CSDE1: variants seen among roughly 807,000 people sequenced by gnomAD.
CSDE1 encodes cold shock domain-containing protein E1.
Under a neutral mutation model 89.3 loss-of-function variants are expected in CSDE1, and 17 were observed. The ratio of observed to expected loss-of-function variants is 0.19; its 90% CI spans 0.13 to 0.29. The LOEUF (loss-of-function observed/expected upper bound fraction) is 0.29, where lower values mean the gene tolerates loss of function less well. Ranked by LOEUF, CSDE1 falls within the 10% of genes least tolerant of loss-of-function variation. The probability of loss-of-function intolerance (pLI) is 1.00; values close to 1 mark genes in which losing one functional copy is unlikely to be tolerated. For missense variants in CSDE1, 672 were observed against 984.2 expected (o/e 0.68, Z 4.24); for synonymous variants, 322 against 332.8 (o/e 0.97, Z 0.35).
chr1:114,719,809 C>G, intron 17 of CSDE1, 67 bp from the exon 18 acceptor site: 2 of 1,428,550 alleles, frequency 1.4e-6, no homozygotes, highest in Non-Finnish European at 1.9e-6. Flanking sequence ...AGCACAATGC[C>G]TGCCCCTATC....
intron 1 of CSDE1, among the ~76,000 whole-genome samples, chr1:114,750,592 A>G (rs1301818316): frequency 2.0e-5 from 3 of 149,982 alleles, no homozygotes; most frequent in Non-Finnish European, 3.0e-5. Flanking sequence ...GTAAACATGG[A>G]AAAAAAAAAC....
At position 114,733,761 on chromosome 1, in the gene CSDE1, C is replaced by T. The variant is rs755487112; in HGVS notation, c.808G>A (p.Val270Ile). 2.5e-6 allele frequency: 4 copies of T among 1,613,564 alleles called. No individual in the cohort carries two copies. Among genetic ancestry groups the T allele is most frequent in the African/African-American group, 2.7e-5 (2 of 74,842 alleles). Reference sequence around the variant, plus strand: ...TTTTTACTGGGTACTTTTGGGATAACTTTGGTTACAGTTCCTTCAAAATGT... The same window carrying T: ...TTTTTACTGGGTACTTTTGGGATAATTTTGGTTACAGTTCCTTCAAAATGT... Reference protein sequence around the residue: ...IEHFEGTVTKVIPKVPSKNQN... With the variant: ...IEHFEGTVTKIIPKVPSKNQN... Residue 270 changes from valine to isoleucine, a missense_variant, in exon 9 of 20, where the codon GTT (valine) becomes ATT (isoleucine). Around this residue, in one of 8 missense-constraint regions of CSDE1, gnomAD observed 169 missense variants for 262.9 expected, o/e 0.64. Transcript: ENST00000358528.
chr1:114,719,708 T>C lies in CSDE1; in HGVS notation c.2087A>G (p.Lys696Arg), dbSNP rs1659403469. 3.1e-6 allele frequency: 5 copies of C among 1,613,946 alleles called. No individual in the cohort carries two copies. The highest frequency in any genetic ancestry group is 4.2e-6 in the Non-Finnish European group (5 of 1,180,006). Residue 696 changes from lysine (K) to arginine (R), a missense_variant, in exon 18 of 20, where the codon AAG becomes AGG. By Grantham distance (26) the Lys-to-Arg change is conservative (BLOSUM62 2). Coordinates refer to ENST00000358528, the MANE Select transcript of CSDE1 (RefSeq NM_001007553.3). ...GFINYEVGDSKKLFFHVKEVQ... is the reference protein window; with the variant it reads ...GFINYEVGDSRKLFFHVKEVQ... ...TTCTTTCACATGGAAAAAGAGCTTC[T>C]TGCTATCTCCTACTTCATAGTTAAT... is the stretch of plus-strand genomic sequence containing the variant.
At chr1:114,752,827 C>G (rs1429947445) in intron 1 of CSDE1, among the ~76,000 whole-genome samples, 1 of 152,216 alleles carries the variant, frequency 6.6e-6, no homozygotes, top group Non-Finnish European at 1.5e-5. Context: ...AATTTCTGTA[C>G]TTTGTTTACT....
chr1:114,735,308 CACAG>C (rs908604484), intron 6 of CSDE1, among the ~76,000 whole-genome samples: 27 of 151,622 alleles, frequency 1.8e-4, no homozygotes, highest in African/African-American at 5.9e-4. Context: ...CTTAATTTTT[CACAG>C]ACAAATAACC....
chr1:114,725,360 C>G, intron 14 of CSDE1, 27 bp from the exon 15 acceptor site: 1 of 1,529,274 alleles, frequency 6.5e-7, no homozygotes, highest in Non-Finnish European at 9.1e-7. Flanking sequence ...TGACATTTAA[C>G]TAAACATTAC....
At chr1:114,734,368 A>AC in intron 7 of CSDE1, 74 bp downstream of exon 7, 1 of 1,317,162 alleles carries the variant, frequency 7.6e-7, no homozygotes, top group Non-Finnish European at 1.1e-6. Context: ...AAAAAAAAAA[A>AC]CAAAGGCTGG....
chr1:114,723,770 A>T, intron 16 of CSDE1, 113 bp downstream of exon 16: 1 of 1,447,284 alleles, frequency 6.9e-7, no homozygotes, highest in Non-Finnish European at 9.6e-7. Context: ...ACTTTTCCTT[A>T]ATTCAGTTTT....
chr1:114,755,535 G>A (rs961794345), intron 1 of CSDE1, among the ~76,000 whole-genome samples: 2 of 152,154 alleles, frequency 1.3e-5, no homozygotes, highest in Non-Finnish European at 1.5e-5. Context: ...TTTTTAACTA[G>A]GTACCCACAC....
intron 15 of CSDE1, 117 bp from the exon 16 acceptor site, chr1:114,724,119 T>C (rs1024247914): frequency 1.1e-4 from 121 of 1,124,286 alleles, no homozygotes; most frequent in Non-Finnish European, 1.4e-4. Flanking sequence ...TGGCTGCTAT[T>C]GAAATGGGGT....
At chr1:114,727,141 C>A in intron 12 of CSDE1, 51 bp from the exon 13 acceptor site, 2 of 1,284,612 alleles carry the variant, frequency 1.6e-6, no homozygotes, top group Non-Finnish European at 2.3e-6. Flanking sequence ...AGAACAAAAA[C>A]CAATAAAAAC....
At chr1:114,744,904 A>G (rs1372684691) in intron 2 of CSDE1, among the ~76,000 whole-genome samples, 4 of 152,226 alleles carry the variant, frequency 2.6e-5, no homozygotes, top group African/African-American at 9.6e-5. Flanking sequence ...GGCACAGAGC[A>G]GGCACTCATA....
chr1:114,744,320 G>A (rs541738769), intron 2 of CSDE1, among the ~76,000 whole-genome samples: 34 of 152,260 alleles, frequency 2.2e-4, no homozygotes, highest in Admixed American at 3.9e-4. Flanking sequence ...AGTGGTTCAC[G>A]TTTGTAATCC....
intron 14 of CSDE1, 64 bp from the exon 15 acceptor site, chr1:114,725,397 C>CT (rs1659738661): frequency 2.4e-6 from 3 of 1,234,092 alleles, no homozygotes; most frequent in Non-Finnish European, 3.6e-6. Flanking sequence ...AACAGGCAGT[C>CT]TTTATTTTAC....
At chr1:114,718,881 CT>C (rs1465142742) in intron 18 of CSDE1, 136 bp from the exon 19 acceptor site, 1 of 899,472 alleles carries the variant, frequency 1.1e-6, no homozygotes, top group Non-Finnish European at 1.7e-6. Flanking sequence ...ATATACCTAG[CT>C]AGAAAGACAG....
At chr1:114,730,164 C>A in intron 12 of CSDE1, 94 bp downstream of exon 12, 1 of 1,383,320 alleles carries the variant, frequency 7.2e-7, no homozygotes. Flanking sequence ...AAGAGACAAA[C>A]TTCCGCTGAT....
chr1:114,755,190 C>T (rs1320405079), intron 1 of CSDE1, among the ~76,000 whole-genome samples: 1 of 152,242 alleles, frequency 6.6e-6, no homozygotes, highest in Admixed American at 6.5e-5. Context: ...AAGTGCACAA[C>T]AGCCACACGT....
chr1:114,748,393 A>G (rs903422164), intron 2 of CSDE1: 4 of 152,092 alleles, frequency 2.6e-5, no homozygotes, highest in African/African-American at 9.7e-5. Context: ...GAATTCCTTT[A>G]TGTCTAACTT....
intron 12 of CSDE1, among the ~76,000 whole-genome samples, chr1:114,728,006 G>A (rs1265417532): frequency 1.3e-5 from 2 of 152,050 alleles, no homozygotes; most frequent in Non-Finnish European, 2.9e-5. Flanking sequence ...TACAAACTAC[G>A]ATATATTCAA....
Sources: allele counts gnomAD v4.1 joint callset (sites outside exome capture counted in the v4.1 genomes callset), GRCh38; gene constraint gnomAD v4.1.1; regional missense constraint gnomAD v4.1.1; transcripts MANE v1.5; gene names NCBI Gene and HGNC (gene_info 2026-07-23, HGNC 2026-07-21).